Variants in LVRN observed in about 807,000 individuals in gnomAD.
LVRN encodes laeverin.
LVRN carries 99 observed loss-of-function variants against 111.4 expected under a neutral mutation model. That is an observed-to-expected ratio of 0.89 (90% confidence interval 0.76 to 1.05). The LOEUF (loss-of-function observed/expected upper bound fraction) is 1.05, where lower values mean the gene tolerates loss of function less well. Ranked by LOEUF, LVRN falls within the 50% of genes least tolerant of loss-of-function variation. LVRN has a pLI of 0.00. For missense variants in LVRN, 1,414 were observed against 1,206.8 expected (o/e 1.17, Z -2.54); for synonymous variants, 488 against 449.5 (o/e 1.09, Z -1.08).
intron 18 of LVRN, chr5:116,021,729 T>C (rs1748735140): frequency 2.2e-6 from 1 of 452,728 alleles, no homozygotes; most frequent in African/African-American, 2.0e-5. Flanking sequence ...TTTACTTTTT[T>C]AACTACAGCC....
Position 115,992,115 on chromosome 5 carries a change from C to T in LVRN, c.1106-8C>T. 1 of 1,589,270 alleles carries T rather than the reference C, an allele frequency of 6.3e-7. No homozygotes were observed. Among genetic ancestry groups the T allele is most frequent in the Non-Finnish European group, 8.5e-7 (1 of 1,170,564 alleles). ...ATTTTATTTTCTCCTCCATTTAAAT[C>T]CACTTAGATATAATTGCCTTGCCTA... is the stretch of plus-strand genomic sequence containing the variant. On this transcript the variant is annotated splice_polypyrimidine_tract_variant and splice_region_variant and intron_variant, in intron 4 of 19. Transcript: ENST00000357872.
At chr5:115,997,276 C>A (rs889821523) in intron 6 of LVRN, among the ~76,000 whole-genome samples, 101 of 152,256 alleles carry the variant, frequency 6.6e-4, no homozygotes, top group African/African-American at 2.4e-3. Flanking sequence ...AGGATTCGTA[C>A]ACAGGCACTT....
intron 2 of LVRN, among the ~76,000 whole-genome samples, chr5:115,983,684 G>A (rs1747774007): frequency 6.6e-6 from 1 of 152,128 alleles, no homozygotes; most frequent in African/African-American, 2.4e-5. Context: ...CACTTAGTTT[G>A]GGCTTCAACT....
intron 6 of LVRN, among the ~76,000 whole-genome samples, chr5:115,997,412 C>T (rs557846186): frequency 4.5e-4 from 69 of 152,126 alleles, no homozygotes; most frequent in Middle Eastern, 3.4e-3. Flanking sequence ...GCCTGTGATC[C>T]CAACACTTTG....
In LVRN at chr5:116,027,135, T is replaced by C. The variant is rs1056354002; in HGVS notation, c.*1017T>C. The C allele has an allele frequency of 3.3e-5, 5 of 152,356 alleles. No homozygotes were observed. The highest frequency in any genetic ancestry group is 2.0e-4 in the Admixed American group (3 of 15,306). The allele number at this position is 152,356 out of a possible 1,614,324, so 9.4% of individuals were successfully genotyped here. A position where few individuals can be genotyped will look rare whatever the true frequency, so the allele number is the denominator to read the frequency against. ...ACACATTTTCATCAGTCCCAATGTA[T>C]GGAATTAGCTTAGTTTTCTCATGCT... On this transcript the variant is annotated 3_prime_UTR_variant, in exon 20 of 20. Transcript: ENST00000357872.
rs1748220111 is a variant in LVRN, at chr5:116,000,713, A to G, written c.1647+55A>G. The stretch of plus-strand genomic sequence containing the variant: ...GCTGAGTTGTTTTGTATGATACAGG[A>G]AAAGACTGGGAGGCCATGGGTGAAT... On this transcript the variant is annotated intron_variant, in intron 9 of 19. Coordinates refer to ENST00000357872, the MANE Select transcript of LVRN (RefSeq NM_173800.5). 17 of 1,577,138 alleles carry G rather than the reference A, an allele frequency of 1.1e-5. No homozygotes were observed. In the South Asian group the frequency reaches 1.7e-4, roughly 16 times the overall value.
intron 1 of LVRN, among the ~76,000 whole-genome samples, chr5:115,981,874 AG>A (rs1753567202): frequency 6.6e-6 from 1 of 152,160 alleles, no homozygotes; most frequent in Non-Finnish European, 1.5e-5. Context: ...GAGAATTCAA[AG>A]GTGATTTATT....
In LVRN at chr5:116,027,102, C is replaced by T. The variant is rs1028991689; in HGVS notation, c.*984C>T. The T allele has an allele frequency of 1.3e-5, 2 of 151,928 alleles. No individual in the cohort carries two copies. The highest frequency in any genetic ancestry group is 2.9e-5 in the Non-Finnish European group (2 of 67,844). The allele number at this position is 151,928 out of a possible 1,614,324, so 9.4% of individuals were successfully genotyped here. On this transcript the variant is annotated 3_prime_UTR_variant, in exon 20 of 20. Coordinates refer to ENST00000357872, the MANE Select transcript of LVRN (RefSeq NM_173800.5). Reference sequence around the variant, plus strand: ...TGAACCTACTTGTAATGTGGACCAACTTACTTTACACATTTTCATCAGTCC... The same window carrying T: ...TGAACCTACTTGTAATGTGGACCAATTTACTTTACACATTTTCATCAGTCC...
Position 116,005,932 on chromosome 5 carries a change from A to G in LVRN, c.2058A>G (p.Arg686=). Residue 686 remains arginine (R), a synonymous_variant, in exon 13 of 20, where the codon AGA becomes AGG. Transcript: ENST00000357872. ...TGCAGGCGATTCCTGTTATTCACAG[A>G]CTGCAGTTGATTGATGATGCCTTTT... The part of the protein sequence containing the change: ...KDPKAIPVIH[R]LQLIDDAFSL... The G allele has an allele frequency of 6.3e-7, 1 of 1,597,792 alleles. No individual in the cohort carries two copies. Among genetic ancestry groups the G allele is most frequent in the Non-Finnish European group, 8.6e-7 (1 of 1,165,292 alleles).
chr5:116,008,080 G>A (rs187822003), intron 13 of LVRN, among the ~76,000 whole-genome samples: 2,154 of 152,186 alleles, frequency 0.014, 29 homozygotes, highest in African/African-American at 0.036. Context: ...GGTGGCTCAT[G>A]CCTGTAATCC....
At chr5:115,980,254 A>C (rs888898901) in intron 1 of LVRN, among the ~76,000 whole-genome samples, 1 of 151,992 alleles carries the variant, frequency 6.6e-6, no homozygotes, top group Non-Finnish European at 1.5e-5. Context: ...TTGAGTCCAA[A>C]GCACAGAGAA....
intron 1 of LVRN, chr5:115,976,057 A>G (rs1420933305): frequency 2.0e-5 from 3 of 153,208 alleles, no homozygotes; most frequent in Non-Finnish European, 2.9e-5. Context: ...TGATCACCAC[A>G]CCAACTAAGT....
chr5:115,978,186 G>T (rs1580379306), intron 1 of LVRN, among the ~76,000 whole-genome samples: 2 of 152,156 alleles, frequency 1.3e-5, no homozygotes, highest in Non-Finnish European at 2.9e-5. Context: ...AAAAGAATTT[G>T]TAAGTCTCAA....
intron 1 of LVRN, among the ~76,000 whole-genome samples, chr5:115,977,492 C>G (rs1230064771): frequency 6.6e-6 from 1 of 152,174 alleles, no homozygotes; most frequent in Non-Finnish European, 1.5e-5. Context: ...CAGCAGAAGG[C>G]TGATTTGAGC....
chr5:116,019,501 T>C (rs6594931), intron 18 of LVRN, among the ~76,000 whole-genome samples: 3,574 of 152,376 alleles, frequency 0.023, 124 homozygotes, highest in African/African-American at 0.081. Flanking sequence ...TGTATAATGA[T>C]GCATATTCAC....
Position 116,027,456 on chromosome 5 carries a change from C to T in LVRN, c.*1338C>T, listed in dbSNP as rs1027892325. The T allele has an allele frequency of 1.3e-5, 2 of 152,140 alleles. No homozygotes were observed. Among genetic ancestry groups the T allele is most frequent in the African/African-American group, 4.8e-5 (2 of 41,416 alleles). 9.4% of individuals were successfully genotyped at this position (152,140 alleles called of 1,614,324 possible). On this transcript the variant is annotated 3_prime_UTR_variant, in exon 20 of 20. Coordinates refer to ENST00000357872, the MANE Select transcript of LVRN (RefSeq NM_173800.5). ...TATTTGATTCACAAGAGGATTCTCC[C>T]TGAGTGTCAGGGGAGGCTGTGGGAC...
chr5:116,015,654 C>G lies in LVRN; in HGVS notation c.2645C>G (p.Ser882Cys), dbSNP rs1322149433. ...NRYMEYAIST[S>C]PFTSNETNII... ...TATATGGAGTATGCCATCAGCACAT[C>G]TCCATTCACTTCTAATGAAACAAAT... is the stretch of plus-strand genomic sequence containing the variant. The change falls in exon 18 of 20, where the codon TCT becomes TGT. Residue 882 changes from serine (S) to cysteine (C), a missense_variant. Physicochemically the swap from Ser to Cys is moderately radical, Grantham distance 112. Coordinates refer to ENST00000357872, the MANE Select transcript of LVRN (RefSeq NM_173800.5). The G allele has an allele frequency of 2.5e-6, 4 of 1,612,860 alleles. No homozygotes were observed. Among genetic ancestry groups the G allele is most frequent in the Non-Finnish European group, 3.4e-6 (4 of 1,179,424 alleles).
At chr5:115,972,700 C>T (rs187075807) in intron 1 of LVRN, among the ~76,000 whole-genome samples, 1 of 151,896 alleles carries the variant, frequency 6.6e-6, no homozygotes, top group Admixed American at 6.5e-5. Flanking sequence ...AGTCTTCCAT[C>T]ATTAATTATT....
At chr5:115,963,338 C>T in intron 1 of LVRN, 26 bp downstream of exon 1, 2 of 1,531,630 alleles carry the variant, frequency 1.3e-6, no homozygotes, top group African/African-American at 1.4e-5. Context: ...CCCGGGGCCC[C>T]TCTCGGCCCC....
Sources: gnomAD v4.1 joint callset for allele counts (sites outside exome capture counted in the v4.1 genomes callset) on GRCh38, gnomAD v4.1.1 for gene constraint, MANE v1.5 for transcripts, NCBI Gene and HGNC (gene_info 2026-07-23, HGNC 2026-07-21) for gene names.